The following AK8 variants were observed in gnomAD, a reference collection of about 807,000 sequenced individuals.
The protein encoded by AK8 is adenylate kinase 8.
AK8 carries 44 observed loss-of-function variants against 54.6 expected under a neutral mutation model. That is an observed-to-expected ratio of 0.81 (90% CI 0.63 to 1.04). The LOEUF (loss-of-function observed/expected upper bound fraction) is 1.04, where lower values mean the gene tolerates loss of function less well. Among genes scored for constraint, AK8 ranks in the 50% least tolerant of loss-of-function variants. AK8 has a pLI of 0.00. For missense variants in AK8, 555 were observed against 613.6 expected (o/e 0.90, Z 1.01); for synonymous variants, 239 against 245.6 (o/e 0.97, Z 0.25).
At chr9:132,741,348 A>G (rs1410553926) in intron 11 of AK8, among the ~76,000 whole-genome samples, 1 of 152,204 alleles carries the variant, frequency 6.6e-6, no homozygotes, top group Non-Finnish European at 1.5e-5. Context: ...TTCACTGGGC[A>G]CTGCACCACG....
intron 11 of AK8, among the ~76,000 whole-genome samples, chr9:132,755,387 C>T (rs1295504379): frequency 6.6e-6 from 1 of 152,144 alleles, no homozygotes; most frequent in Non-Finnish European, 1.5e-5. Context: ...CCCGTCCCAC[C>T]TGATTGCACC....
At chr9:132,843,496 G>T (rs540875973) in intron 5 of AK8, among the ~76,000 whole-genome samples, 22 of 152,134 alleles carry the variant, frequency 1.4e-4, no homozygotes, top group Non-Finnish European at 2.5e-4. Flanking sequence ...TTTATGCATT[G>T]CAAGAATGGC....
chr9:132,761,651 T>C (rs1838477333), intron 11 of AK8, among the ~76,000 whole-genome samples: 2 of 152,218 alleles, frequency 1.3e-5, no homozygotes, highest in Non-Finnish European at 2.9e-5. Flanking sequence ...TGCCATAAAG[T>C]TGTTTGTAAT....
intron 11 of AK8, among the ~76,000 whole-genome samples, chr9:132,757,689 C>T (rs1163995135): frequency 6.6e-6 from 1 of 152,144 alleles, no homozygotes; most frequent in Admixed American, 6.5e-5. Context: ...CAGGCCTTTG[C>T]CCCTTCTGTT....
Position 132,848,136 on chromosome 9 carries a change from AAAAAAAAG to A in AK8, c.402+6713_402+6720del, listed in dbSNP as rs1487098037. The stretch of plus-strand genomic sequence containing the variant: ...GTTTCAAAAAAAAAAAAAAAAAAAA[AAAAAAAAG>A]ATTGAAGAGAAGAAAGGAAGACTCC... On this transcript the variant is annotated intron_variant, in intron 5 of 12. Coordinates refer to ENST00000298545, the MANE Select transcript of AK8 (RefSeq NM_152572.3). Among the ~76,000 whole-genome samples the A allele has an allele frequency of 1.6e-4, 15 of 92,000 alleles. 2 individuals carry two copies. The highest frequency in any genetic ancestry group is 2.8e-4 in the Admixed American group (3 of 10,738). 60.4% of individuals were successfully genotyped at this position (92,000 alleles called of 152,430 possible).
chr9:132,855,439 T>C (rs912207325), intron 4 of AK8, among the ~76,000 whole-genome samples: 3 of 152,134 alleles, frequency 2.0e-5, no homozygotes, highest in African/African-American at 7.2e-5. Context: ...TGGGAGGGGA[T>C]TGGCTCCAAG....
intron 11 of AK8, among the ~76,000 whole-genome samples, chr9:132,766,812 C>T (rs185851534): frequency 2.0e-5 from 3 of 152,232 alleles, no homozygotes; most frequent in Admixed American, 1.3e-4. Flanking sequence ...AATAGAAATC[C>T]ATAAATAAGT....
chr9:132,832,065 A>G (rs1176058235), intron 5 of AK8, among the ~76,000 whole-genome samples: 12 of 73,176 alleles, frequency 1.6e-4, no homozygotes, highest in South Asian at 6.5e-4. Flanking sequence ...TTGTCTCTGA[A>G]AAAAAAAAAA....
chr9:132,797,756 T>C (rs144951689), intron 10 of AK8, among the ~76,000 whole-genome samples: 34 of 152,326 alleles, frequency 2.2e-4, no homozygotes, highest in Middle Eastern at 3.4e-3. Flanking sequence ...CAGATTGAAA[T>C]GGCCCCTGTG....
intron 11 of AK8, among the ~76,000 whole-genome samples, chr9:132,746,788 C>T (rs1028530217): frequency 6.6e-6 from 1 of 152,168 alleles, no homozygotes; most frequent in Non-Finnish European, 1.5e-5. Flanking sequence ...ACACGTGAGG[C>T]GAGCACTCAG....
At chr9:132,747,998 C>T (rs1001764589) in intron 11 of AK8, among the ~76,000 whole-genome samples, 16 of 151,382 alleles carry the variant, frequency 1.1e-4, no homozygotes, top group Non-Finnish European at 1.8e-4. Flanking sequence ...ACTTGGGAGG[C>T]TGAGGCAGGA....
Position 132,876,304 on chromosome 9 carries a change from T to C in AK8, c.85-1105A>G, listed in dbSNP as rs534973991. On this transcript the variant is annotated intron_variant, in intron 1 of 12. Transcript: ENST00000298545. ...TTTAGATGGTTCACACATAAATATTTTACATTTCATGTTTAAATCATTGTG... is the reference window on the plus strand; with the variant it reads ...TTTAGATGGTTCACACATAAATATTCTACATTTCATGTTTAAATCATTGTG... 4.6e-5 allele frequency among the ~76,000 whole-genome samples: 7 copies of C among 152,226 alleles called. No individual in the cohort carries two copies. The South Asian group carries it at 1.4e-3, about 31-fold the overall frequency.
rs1839280789 is a variant in AK8 at position 132,777,652 on chromosome 9, T to C, written c.1121+14982A>G. 2.0e-5 allele frequency among the ~76,000 whole-genome samples: 3 copies of C among 152,106 alleles called. 1 individual carries two copies. The South Asian group carries it at 6.2e-4, about 32-fold the overall frequency. On this transcript the variant is annotated intron_variant, in intron 11 of 12. Transcript: ENST00000298545. ...TGGGCGGGGCTACTACTCCCTTTGATGGTTAAGGAGACTTGAGGCTTAGAA... is the reference window on the plus strand; with the variant it reads ...TGGGCGGGGCTACTACTCCCTTTGACGGTTAAGGAGACTTGAGGCTTAGAA...
chr9:132,833,907 C>T (rs1842211982), intron 5 of AK8, among the ~76,000 whole-genome samples: 1 of 152,248 alleles, frequency 6.6e-6, no homozygotes, highest in African/African-American at 2.4e-5. Context: ...TGGGCCTCTG[C>T]CTTTTTGATG....
At chr9:132,776,848 C>T (rs1839243628) in intron 11 of AK8, among the ~76,000 whole-genome samples, 1 of 152,214 alleles carries the variant, frequency 6.6e-6, no homozygotes, top group African/African-American at 2.4e-5. Context: ...GGGCAATTTA[C>T]TAAGCCCCCA....
chr9:132,774,555 C>T (rs1228777879), intron 11 of AK8, among the ~76,000 whole-genome samples: 1 of 152,156 alleles, frequency 6.6e-6, no homozygotes, highest in Non-Finnish European at 1.5e-5. Flanking sequence ...AATTGAAGTA[C>T]ACTCTGATGT....
intron 11 of AK8, chr9:132,769,964 T>A (rs1460643242): frequency 1.3e-5 from 2 of 152,202 alleles, no homozygotes; most frequent in East Asian, 3.9e-4. Context: ...TAGACACGAT[T>A]TCCTCCATTA....
At chr9:132,844,297 CAAAA>C (rs35309762) in intron 5 of AK8, among the ~76,000 whole-genome samples, 5 of 92,650 alleles carry the variant, frequency 5.4e-5, no homozygotes, top group Admixed American at 1.1e-4. Context: ...TGCATTAGAC[CAAAA>C]AAAAAAAAAA....
intron 11 of AK8, among the ~76,000 whole-genome samples, chr9:132,756,409 G>A (rs902749000): frequency 6.6e-6 from 1 of 152,208 alleles, no homozygotes; most frequent in Non-Finnish European, 1.5e-5. Flanking sequence ...GAAGCCAGGC[G>A]GGGAGCCAGA....
Sources: allele counts gnomAD v4.1 joint callset (sites outside exome capture counted in the v4.1 genomes callset), GRCh38; gene constraint gnomAD v4.1.1; transcripts MANE v1.5; gene names NCBI Gene and HGNC (gene_info 2026-07-23, HGNC 2026-07-21).